CTNNA2: variants seen among roughly 807,000 people sequenced by gnomAD.
The protein encoded by CTNNA2 is catenin alpha 2, also known as catenin alpha-2.
Under a neutral mutation model 101.0 loss-of-function variants are expected in CTNNA2, and 42 were observed. That is an observed-to-expected ratio of 0.42 (90% CI 0.32 to 0.54). CTNNA2 has a LOEUF of 0.54. Among genes scored for constraint, CTNNA2 ranks in the 20% least tolerant of loss-of-function variants. CTNNA2 has a pLI of 0.14. For missense variants in CTNNA2, 871 were observed against 1,223.1 expected, an observed-to-expected ratio of 0.71 and a Z score of 4.29; for synonymous variants, 450 against 456.4, an observed-to-expected ratio of 0.99 and a Z score of 0.18.
In CTNNA2 at chr2:79,832,715, T is replaced by C. The variant is rs1487204550; in HGVS notation, c.299-25298T>C. Among the ~76,000 whole-genome samples the C allele has an allele frequency of 3.3e-5, 5 of 152,132 alleles. No homozygotes were observed. The East Asian group carries it at 9.6e-4, about 29-fold the overall frequency. ...TTTGTGATTTCATTTCAGCCTTGAG[T>C]CACAGTGCATGCATTCCTGAATCAA... On this transcript the variant is annotated intron_variant, in intron 3 of 18. Coordinates refer to ENST00000402739, the MANE Select transcript of CTNNA2 (RefSeq NM_001282597.3).
chr2:79,710,965 T>C (rs1685699826), intron 2 of CTNNA2, among the ~76,000 whole-genome samples: 1 of 152,216 alleles, frequency 6.6e-6, no homozygotes, highest in African/African-American at 2.4e-5. Flanking sequence ...AACACAACCA[T>C]ATACAGTGCT....
chr2:79,504,891 G>T (rs1671379467), intron 4 of CTNNA2, among the ~76,000 whole-genome samples: 1 of 152,090 alleles, frequency 6.6e-6, no homozygotes. Context: ...CTTTAATTTT[G>T]TTCATAATTC....
intron 4 of CTNNA2, among the ~76,000 whole-genome samples, chr2:79,449,769 T>C (rs1678868970): frequency 6.6e-6 from 1 of 151,982 alleles, no homozygotes; most frequent in Non-Finnish European, 1.5e-5. Flanking sequence ...GCACCAGCAC[T>C]CCATTGCTCC....
chr2:79,765,977 G>A lies in CTNNA2; in HGVS notation c.298+21395G>A, dbSNP rs78977625. On this transcript the variant is annotated intron_variant, in intron 3 of 18. Coordinates refer to ENST00000402739, the MANE Select transcript of CTNNA2 (RefSeq NM_001282597.3). ...TTAGTGGGAACTTATTTTTTAAAGC[G>A]AATTCATTCTTGGGAACAAATCCAG... 5.9e-3 allele frequency among the ~76,000 whole-genome samples: 892 copies of A among 152,190 alleles called. 7 individuals are homozygous for A. Among genetic ancestry groups the A allele is most frequent in the Non-Finnish European group, 9.7e-3 (662 of 67,998 alleles).
intron 9 of CTNNA2, among the ~76,000 whole-genome samples, chr2:80,522,141 A>G (rs1234570883): frequency 6.6e-6 from 1 of 152,218 alleles, no homozygotes; most frequent in East Asian, 1.9e-4. Context: ...GGTTCTGAAC[A>G]AAGGTCATGT....
At chr2:80,084,907 A>T (rs1699351021) in intron 7 of CTNNA2, among the ~76,000 whole-genome samples, 2 of 152,130 alleles carry the variant, frequency 1.3e-5, no homozygotes, top group South Asian at 4.1e-4. Context: ...CTGAACTATG[A>T]CGAACAAAAG....
At chr2:79,260,134 C>T (rs201063780) in intron 2 of CTNNA2, among the ~76,000 whole-genome samples, 1 of 152,086 alleles carries the variant, frequency 6.6e-6, no homozygotes, top group Non-Finnish European at 1.5e-5. Context: ...AGCTGGCCAG[C>T]TTGCCATGGG....
chr2:79,595,793 A>G (rs1438353244), intron 1 of CTNNA2, among the ~76,000 whole-genome samples: 1 of 151,972 alleles, frequency 6.6e-6, no homozygotes, highest in African/African-American at 2.4e-5. Flanking sequence ...ACAGTTGACA[A>G]TTATCATACT....
intron 15 of CTNNA2, chr2:80,603,709 C>G (rs1375503525): frequency 1.2e-5 from 2 of 168,084 alleles, no homozygotes; most frequent in East Asian, 1.7e-4. Context: ...GTGATGATAC[C>G]TACTTTGTAG....
At chr2:79,936,978 A>C (rs1687835183) in intron 7 of CTNNA2, among the ~76,000 whole-genome samples, 1 of 152,202 alleles carries the variant, frequency 6.6e-6, no homozygotes, top group South Asian at 2.1e-4. Flanking sequence ...ATTGATGTGA[A>C]GGTAGTTTCC....
At chr2:79,762,441 T>C (rs559400013) in intron 3 of CTNNA2, among the ~76,000 whole-genome samples, 1 of 152,272 alleles carries the variant, frequency 6.6e-6, no homozygotes, top group South Asian at 2.1e-4. Context: ...GGGAAACAGA[T>C]CATGACATTG....
At chr2:80,163,521 A>G (rs1279467722) in intron 7 of CTNNA2, among the ~76,000 whole-genome samples, 1 of 152,142 alleles carries the variant, frequency 6.6e-6, no homozygotes, top group Non-Finnish European at 1.5e-5. Context: ...TTTATGACCC[A>G]GGATATGGTA....
At chr2:79,522,346 C>G (rs1392394902) in intron 1 of CTNNA2, among the ~76,000 whole-genome samples, 2 of 152,146 alleles carry the variant, frequency 1.3e-5, no homozygotes, top group African/African-American at 2.4e-5. Flanking sequence ...ATCGAAACCA[C>G]TGTTTTGAGG....
At chr2:79,855,609 A>T (rs1411000813) in intron 3 of CTNNA2, among the ~76,000 whole-genome samples, 2 of 152,158 alleles carry the variant, frequency 1.3e-5, no homozygotes, top group Admixed American at 6.5e-5. Flanking sequence ...AAGGGGTGTG[A>T]CTGCCCTCTC....
chr2:80,547,690 C>CTTTTTTTTTTTTTTTTTTT lies in CTNNA2; in HGVS notation c.1540+1643_1540+1644insTTTTTTTTTTTTTTTTTTT, dbSNP rs61186189. 4.0e-5 allele frequency among the ~76,000 whole-genome samples: 5 copies of CTTTTTTTTTTTTTTTTTTT among 124,312 alleles called. 2 individuals are homozygous for CTTTTTTTTTTTTTTTTTTT. Among genetic ancestry groups the CTTTTTTTTTTTTTTTTTTT allele is most frequent in the African/African-American group, 3.4e-5 (1 of 29,338 alleles). 81.6% of individuals were successfully genotyped at this position (124,312 alleles called of 152,430 possible). On this transcript the variant is annotated intron_variant, in intron 11 of 18. Coordinates refer to ENST00000402739, the MANE Select transcript of CTNNA2 (RefSeq NM_001282597.3). Reference sequence around the variant, plus strand: ...AGAACTCAATATATTGTCACTTCTGCTTTTTTTTTTTTTTTTGAGATGGAG... The same window carrying CTTTTTTTTTTTTTTTTTTT: ...AGAACTCAATATATTGTCACTTCTGCTTTTTTTTTTTTTTTTTTTTTTTTTTTTTTTTTTTGAGATGGAG...
intron 8 of CTNNA2, among the ~76,000 whole-genome samples, chr2:80,413,784 G>C (rs1459969518): frequency 1.3e-5 from 2 of 152,156 alleles, no homozygotes; most frequent in African/African-American, 4.8e-5. Context: ...TAATCATGTA[G>C]AGCCTGGAGC....
At chr2:79,998,042 A>G (rs1296281421) in intron 7 of CTNNA2, among the ~76,000 whole-genome samples, 1 of 152,192 alleles carries the variant, frequency 6.6e-6, no homozygotes, top group Non-Finnish European at 1.5e-5. Context: ...AATTCTGCTT[A>G]TAGTGGCAGA....
intron 7 of CTNNA2, among the ~76,000 whole-genome samples, chr2:79,937,444 C>G (rs150230841): frequency 0.014 from 2,083 of 152,334 alleles, 15 homozygotes; most frequent in Middle Eastern, 0.041. Flanking sequence ...CTGCAATCTT[C>G]AGGCTATGTC....
At chr2:79,508,203 G>C (rs1229524377), upstream of CTNNA2, among the ~76,000 whole-genome samples, 1 of 152,078 alleles carries the variant, frequency 6.6e-6, no homozygotes, top group Non-Finnish European at 1.5e-5. Flanking sequence ...TGATCCCCTG[G>C]ACTAGCTTAG....
Sources: gnomAD v4.1 joint callset for allele counts (sites outside exome capture counted in the v4.1 genomes callset) on GRCh38, gnomAD v4.1.1 for gene constraint, MANE v1.5 for transcripts, NCBI Gene and HGNC (gene_info 2026-07-23, HGNC 2026-07-21) for gene names.